IDH3A: variants seen among roughly 807,000 people sequenced by gnomAD.
The protein encoded by IDH3A is isocitrate dehydrogenase [NAD] subunit alpha, mitochondrial.
A neutral mutation model predicts 43.3 loss-of-function variants in IDH3A; 23 were observed. The observed-to-expected ratio is 0.53, with a 90% confidence interval of 0.38 to 0.75. IDH3A has a LOEUF of 0.75. Among genes scored for constraint, IDH3A ranks in the 30% least tolerant of loss-of-function variants. The pLI, the probability that IDH3A is intolerant of heterozygous loss-of-function variation, is 0.00. For missense variants in IDH3A, 329 were observed against 474.4 expected, an observed-to-expected ratio of 0.69 and a Z score of 2.85; for synonymous variants, 154 against 163.5, an observed-to-expected ratio of 0.94 and a Z score of 0.44.
intron 4 of IDH3A, among the ~76,000 whole-genome samples, 167 bp downstream of exon 4, chr15:78,160,373 A>G (rs2074669413): frequency 6.6e-6 from 1 of 152,118 alleles, no homozygotes; most frequent in South Asian, 2.1e-4. Flanking sequence ...CATTTGGGAC[A>G]TTTTTTTCCC....
chr15:78,158,464 T>TATATATATATATATATATATATATATA lies in IDH3A; in HGVS notation c.174+833_174+834insATATATATATATATATATATATATATA, dbSNP rs71145899. Among the ~76,000 whole-genome samples the TATATATATATATATATATATATATATA allele has an allele frequency of 2.1e-3, 105 of 49,926 alleles. 4 individuals are homozygous for TATATATATATATATATATATATATATA. The highest frequency in any genetic ancestry group is 3.3e-3 in the South Asian group (4 of 1,196). The allele number at this position is 49,926 out of a possible 152,430, so 32.8% of individuals were successfully genotyped here. A position where few individuals can be genotyped will look rare whatever the true frequency, so the allele number is the denominator to read the frequency against. On this transcript the variant is annotated intron_variant, in intron 3 of 10. Coordinates refer to ENST00000299518, the MANE Select transcript of IDH3A (RefSeq NM_005530.3). ...ACATACATACATATATATATATATA[T>TATATATATATATATATATATATATATA]TTTTTTTTTTTTTTTTTTTTTTTTT...
At chr15:78,157,700 T>C in intron 3 of IDH3A, 69 bp downstream of exon 3, 1 of 1,112,080 alleles carries the variant, frequency 9.0e-7, no homozygotes, top group East Asian at 2.4e-5. Flanking sequence ...TTGGATTCTG[T>C]GAACTTTTAG....
In IDH3A at chr15:78,169,277, C is replaced by A; in HGVS notation, c.*272C>A. ...AACTCTGAGTGGACTGTATCATTTG[C>A]TATTCTAAACCATTTTACACTTAAG... is the stretch of plus-strand genomic sequence containing the variant. On this transcript the variant is annotated 3_prime_UTR_variant, in exon 11 of 11. Coordinates refer to ENST00000299518, the MANE Select transcript of IDH3A (RefSeq NM_005530.3). 3.8e-6 allele frequency: 1 copy of A among 265,356 alleles called. No homozygotes were observed. The highest frequency in any genetic ancestry group is 7.0e-6 in the Non-Finnish European group (1 of 142,024). The allele number at this position is 265,356 out of a possible 1,614,324, so 16.4% of individuals were successfully genotyped here. A position where few individuals can be genotyped will look rare whatever the true frequency, so the allele number is the denominator to read the frequency against.
intron 4 of IDH3A, among the ~76,000 whole-genome samples, chr15:78,160,482 T>C (rs1470733976): frequency 2.7e-5 from 4 of 150,102 alleles, no homozygotes; most frequent in East Asian, 1.9e-4. Flanking sequence ...TTTACATTTG[T>C]ATATTTATTT....
At chr15:78,154,124 T>C (rs1416882185) in intron 1 of IDH3A, among the ~76,000 whole-genome samples, 2 of 151,992 alleles carry the variant, frequency 1.3e-5, no homozygotes, top group Admixed American at 1.3e-4. Flanking sequence ...AAGGACTAAG[T>C]TATTAAAGTT....
chr15:78,163,029 G>A (rs1030894481), intron 6 of IDH3A, among the ~76,000 whole-genome samples: 1 of 152,210 alleles, frequency 6.6e-6, no homozygotes, highest in African/African-American at 2.4e-5. Flanking sequence ...TTTAGAAGTG[G>A]AATAGTGGGA....
chr15:78,160,095 C>T lies in IDH3A; in HGVS notation c.178C>T (p.Pro60Ser). ...TGCTCTGTGATGTGGCATCTAGGCA[C>T]CTATTCAGTGGGAGGAGCGGAACGT... Reference protein sequence around the residue: ...VMKIFDAAKAPIQWEERNVTA... With the variant: ...VMKIFDAAKASIQWEERNVTA... The change falls in exon 4 of 11, where the codon CCT becomes TCT. Residue 60 changes from proline (P) to serine (S), a missense_variant. Coordinates refer to ENST00000299518, the MANE Select transcript of IDH3A (RefSeq NM_005530.3). 1 of 1,595,084 alleles carries T rather than the reference C, an allele frequency of 6.3e-7. No homozygotes were observed. The highest frequency in any genetic ancestry group is 8.6e-7 in the Non-Finnish European group (1 of 1,162,732).
chr15:78,154,995 T>C (rs887865610), intron 1 of IDH3A, among the ~76,000 whole-genome samples: 1 of 152,232 alleles, frequency 6.6e-6, no homozygotes, highest in Non-Finnish European at 1.5e-5. Flanking sequence ...TTTGAAAATA[T>C]ACAGTACTCA....
chr15:78,167,073 G>A (rs1353210877), intron 10 of IDH3A, among the ~76,000 whole-genome samples: 1 of 152,238 alleles, frequency 6.6e-6, no homozygotes, highest in Admixed American at 6.5e-5. Flanking sequence ...GGCAGATACA[G>A]ATGCAGATGT....
intron 1 of IDH3A, among the ~76,000 whole-genome samples, chr15:78,154,058 C>T (rs2074602667): frequency 6.6e-6 from 1 of 152,056 alleles, no homozygotes; most frequent in East Asian, 1.9e-4. Context: ...TCTATGTACC[C>T]AGTTTCTTTT....
intron 1 of IDH3A, among the ~76,000 whole-genome samples, chr15:78,149,831 G>A (rs993273777): frequency 6.6e-6 from 1 of 152,266 alleles, no homozygotes; most frequent in Non-Finnish European, 1.5e-5. Flanking sequence ...CCCTGCTGCG[G>A]GACTGATCCC....
At chr15:78,150,306 G>A (rs1237519208) in intron 1 of IDH3A, among the ~76,000 whole-genome samples, 1 of 152,188 alleles carries the variant, frequency 6.6e-6, no homozygotes, top group Non-Finnish European at 1.5e-5. Context: ...GAGGAACCTA[G>A]GTGTCTTGGT....
At position 78,170,428 on chromosome 15, in the gene IDH3A, C is replaced by CTT. The variant is rs1420345021; in HGVS notation, c.*1424_*1425dup. 4 of 152,002 alleles carry CTT rather than the reference C, an allele frequency of 2.6e-5. No individual in the cohort carries two copies. Among genetic ancestry groups the CTT allele is most frequent in the Admixed American group, 2.6e-4 (4 of 15,252 alleles). 9.4% of individuals were successfully genotyped at this position (152,002 alleles called of 1,614,324 possible). A position where few individuals can be genotyped will look rare whatever the true frequency, so the allele number is the denominator to read the frequency against. Reference sequence around the variant, plus strand: ...TTAAGCTTGTAACCGCCCCCCCAGACTTATAATCTTAAATGTATTTTCCTT... The same window carrying CTT: ...TTAAGCTTGTAACCGCCCCCCCAGACTTTTATAATCTTAAATGTATTTTCCTT... On this transcript the variant is annotated 3_prime_UTR_variant, in exon 11 of 11. Coordinates refer to ENST00000299518, the MANE Select transcript of IDH3A (RefSeq NM_005530.3).
chr15:78,153,319 G>C (rs2074594881), intron 1 of IDH3A, among the ~76,000 whole-genome samples: 2 of 152,172 alleles, frequency 1.3e-5, no homozygotes, highest in Admixed American at 6.5e-5. Flanking sequence ...GGTTGGTTGG[G>C]TCTTCTGTCA....
At chr15:78,164,661 G>T (rs1372931728) in intron 8 of IDH3A, among the ~76,000 whole-genome samples, 2 of 152,118 alleles carry the variant, frequency 1.3e-5, no homozygotes, top group African/African-American at 4.8e-5. Context: ...TGTGGACATG[G>T]TTTTCTGTTT....
At chr15:78,149,591 C>CA (rs1265901855) in intron 1 of IDH3A, among the ~76,000 whole-genome samples, 161 bp downstream of exon 1, 2 of 152,102 alleles carry the variant, frequency 1.3e-5, no homozygotes, top group African/African-American at 4.8e-5. Flanking sequence ...CCGTGCCCCG[C>CA]GCTCCGTGGC....
chr15:78,165,566 A>G (rs1358070847), intron 9 of IDH3A, among the ~76,000 whole-genome samples: 1 of 152,116 alleles, frequency 6.6e-6, no homozygotes. Context: ...CCCTCCAGGT[A>G]TTTATTATGT....
intron 1 of IDH3A, among the ~76,000 whole-genome samples, chr15:78,151,796 G>GATATATATAT (rs141975807): frequency 6.7e-6 from 1 of 149,046 alleles, no homozygotes; most frequent in African/African-American, 2.5e-5. Flanking sequence ...AATGATGTGA[G>GATATATATAT]ATATATATAT....
chr15:78,154,206 C>T (rs996914471), intron 1 of IDH3A, among the ~76,000 whole-genome samples: 2 of 146,532 alleles, frequency 1.4e-5, no homozygotes, highest in East Asian at 2.0e-4. Flanking sequence ...AAAAAAAACA[C>T]GTACCAGTGG....
Sources: allele counts gnomAD v4.1 joint callset (sites outside exome capture counted in the v4.1 genomes callset), GRCh38; gene constraint gnomAD v4.1.1; transcripts MANE v1.5; gene names NCBI Gene and HGNC (gene_info 2026-07-23, HGNC 2026-07-21).